Variants in NPAS3 observed in about 807,000 individuals in gnomAD.
NPAS3 encodes the protein neuronal PAS domain protein 3.
In NPAS3, 14 loss-of-function variants were observed where a neutral mutation model predicts 73.1. The observed-to-expected ratio is 0.19, with a 90% CI of 0.13 to 0.30. The LOEUF (loss-of-function observed/expected upper bound fraction) is 0.30, where lower values mean the gene tolerates loss of function less well. NPAS3 is among the 10% of genes least tolerant of loss of function. NPAS3 has a pLI of 1.00. For missense variants in NPAS3, 1,096 were observed against 1,250.0 expected (o/e 0.88, Z 1.86); for synonymous variants, 620 against 541.5 (o/e 1.14, Z -2.01).
At chr14:33,397,742 G>A (rs2047283743) in intron 4 of NPAS3, among the ~76,000 whole-genome samples, 1 of 152,076 alleles carries the variant, frequency 6.6e-6, no homozygotes, top group Non-Finnish European at 1.5e-5. Flanking sequence ...CTAAACTACA[G>A]TGTCCTAGCC....
At chr14:33,647,651 T>C (rs1021524373) in intron 5 of NPAS3, among the ~76,000 whole-genome samples, 2 of 152,166 alleles carry the variant, frequency 1.3e-5, no homozygotes, top group Non-Finnish European at 2.9e-5. Context: ...CACTTTGTTA[T>C]TTCACAATGT....
intron 7 of NPAS3, among the ~76,000 whole-genome samples, chr14:33,739,415 G>T (rs184962706): frequency 6.2e-4 from 95 of 152,136 alleles, no homozygotes; most frequent in Non-Finnish European, 1.0e-4. Flanking sequence ...TAGTTTATTA[G>T]GATCGCTCAT....
chr14:33,646,332 C>G (rs2058828339), intron 5 of NPAS3, among the ~76,000 whole-genome samples: 2 of 152,126 alleles, frequency 1.3e-5, no homozygotes, highest in African/African-American at 4.8e-5. Context: ...TTACACTTAG[C>G]TTAACCTTTT....
intron 2 of NPAS3, 174 bp from the exon 3 acceptor site, chr14:33,215,008 G>C: frequency 1.6e-6 from 1 of 639,880 alleles, no homozygotes; most frequent in Non-Finnish European, 2.7e-6. Flanking sequence ...GCCAGAGTTA[G>C]AGTTTATGGC....
At chr14:33,122,246 A>C (rs1429943152) in intron 2 of NPAS3, among the ~76,000 whole-genome samples, 2 of 152,100 alleles carry the variant, frequency 1.3e-5, no homozygotes, top group Non-Finnish European at 2.9e-5. Context: ...GGTTGAATGA[A>C]TTGTGGAATT....
rs1418571567 is a variant in NPAS3 at position 33,275,780 on chromosome 14, G to C, written c.385+60354G>C. Among the ~76,000 whole-genome samples, 4 of 152,114 alleles carry C rather than the reference G, an allele frequency of 2.6e-5. No homozygotes were observed. In the East Asian group the frequency reaches 7.7e-4, roughly 29 times the overall value. On this transcript the variant is annotated intron_variant, in intron 3 of 11. Coordinates refer to ENST00000356141, the Ensembl canonical transcript of NPAS3. ...TAAAGTGGATAGTCATAATAAATTA[G>C]TATAATCTGACTATTTGATCTGTTT... is the stretch of plus-strand genomic sequence containing the variant.
intron 5 of NPAS3, among the ~76,000 whole-genome samples, chr14:33,669,681 C>G (rs1471953493): frequency 6.6e-6 from 1 of 152,170 alleles, no homozygotes; most frequent in Non-Finnish European, 1.5e-5. Context: ...AGTATTTAAA[C>G]ATGCTCACTT....
intron 4 of NPAS3, among the ~76,000 whole-genome samples, chr14:33,524,979 G>T (rs2053731365): frequency 6.6e-6 from 1 of 152,088 alleles, no homozygotes; most frequent in African/African-American, 2.4e-5. Context: ...TCCAAATAAG[G>T]TCATATCTGA....
At chr14:33,467,918 A>G (rs187080689) in intron 4 of NPAS3, among the ~76,000 whole-genome samples, 1 of 152,296 alleles carries the variant, frequency 6.6e-6, no homozygotes, top group East Asian at 1.9e-4. Flanking sequence ...AGAGACTTGA[A>G]CTAGACCAGA....
intron 3 of NPAS3, among the ~76,000 whole-genome samples, chr14:33,310,660 A>C (rs1330135272): frequency 6.6e-6 from 1 of 152,174 alleles, no homozygotes; most frequent in Admixed American, 6.6e-5. Flanking sequence ...AATGCCTCAC[A>C]TAGCAGGTAA....
chr14:33,155,586 T>C (rs2044617069), intron 2 of NPAS3, among the ~76,000 whole-genome samples: 2 of 152,172 alleles, frequency 1.3e-5, no homozygotes, highest in South Asian at 4.1e-4. Context: ...TTATATACAA[T>C]GCACTGTGCT....
At chr14:33,405,462 A>C (rs1298828127) in intron 4 of NPAS3, among the ~76,000 whole-genome samples, 1 of 152,080 alleles carries the variant, frequency 6.6e-6, no homozygotes, top group Non-Finnish European at 1.5e-5. Flanking sequence ...AACAAGTATA[A>C]AGCAAATGAA....
At chr14:33,102,462 G>C (rs1184891150) in intron 2 of NPAS3, among the ~76,000 whole-genome samples, 1 of 152,122 alleles carries the variant, frequency 6.6e-6, no homozygotes, top group East Asian at 1.9e-4. Flanking sequence ...ATCTGTTAGA[G>C]GTAGATGAAA....
chr14:33,786,571 G>A (rs2063181176), intron 9 of NPAS3, among the ~76,000 whole-genome samples: 1 of 152,192 alleles, frequency 6.6e-6, no homozygotes, highest in African/African-American at 2.4e-5. Context: ...TTAAAGGGAG[G>A]TGAAGAATGC....
At chr14:33,510,304 C>G (rs964771137) in intron 4 of NPAS3, among the ~76,000 whole-genome samples, 1 of 152,008 alleles carries the variant, frequency 6.6e-6, no homozygotes, top group African/African-American at 2.4e-5. Context: ...TCCATCAAAA[C>G]CAGACCCCAG....
chr14:33,406,826 A>G (rs919284596), intron 4 of NPAS3, among the ~76,000 whole-genome samples: 2 of 152,088 alleles, frequency 1.3e-5, no homozygotes, highest in Non-Finnish European at 2.9e-5. Context: ...ATTTATGAAT[A>G]CCTTCAGAGA....
At chr14:33,514,267 A>G (rs946123877) in intron 4 of NPAS3, among the ~76,000 whole-genome samples, 11 of 152,036 alleles carry the variant, frequency 7.2e-5, no homozygotes, top group African/African-American at 2.7e-4. Context: ...GCACATAGAC[A>G]GGGCAGCTTG....
intron 4 of NPAS3, among the ~76,000 whole-genome samples, chr14:33,433,963 G>A (rs1206631809): frequency 1.3e-5 from 2 of 152,142 alleles, no homozygotes; most frequent in Non-Finnish European, 2.9e-5. Context: ...GGCCGAGGTG[G>A]GCGGATCACC....
chr14:33,788,735 T>C (rs1018721521), intron 9 of NPAS3, among the ~76,000 whole-genome samples: 1 of 152,172 alleles, frequency 6.6e-6, no homozygotes, highest in African/African-American at 2.4e-5. Flanking sequence ...GCTTCCTTTA[T>C]GTCCTTTCAG....
Sources: allele counts gnomAD v4.1 joint callset (sites outside exome capture counted in the v4.1 genomes callset), GRCh38; gene constraint gnomAD v4.1.1; transcripts MANE v1.5; gene names NCBI Gene and HGNC (gene_info 2026-07-23, HGNC 2026-07-21).